Variants in WDPCP observed in about 807,000 individuals in gnomAD.
WDPCP encodes WD repeat-containing and planar cell polarity effector protein fritz homolog.
In WDPCP, 71 loss-of-function variants were observed where a neutral mutation model predicts 93.1. That is an observed-to-expected ratio of 0.76 (90% CI 0.63 to 0.93). WDPCP has a LOEUF of 0.93. Among genes scored for constraint, WDPCP ranks in the 40% least tolerant of loss-of-function variants. The pLI, the probability that WDPCP is intolerant of heterozygous loss-of-function variation, is 0.00. For synonymous variants in WDPCP, 315 were observed against 315.0 expected (o/e 1.00, Z 0.00); for missense variants, 844 against 887.4 (o/e 0.95, Z 0.62).
At chr2:63,809,866 C>T (rs1027062990) in intron 2 of WDPCP, among the ~76,000 whole-genome samples, 1 of 151,678 alleles carries the variant, frequency 6.6e-6, no homozygotes, top group Non-Finnish European at 1.5e-5. Context: ...TCGTATGACC[C>T]TGCCAAATCC....
At chr2:63,514,995 G>T (rs1267954640) in intron 1 of WDPCP, among the ~76,000 whole-genome samples, 2 of 152,106 alleles carry the variant, frequency 1.3e-5, no homozygotes, top group African/African-American at 4.8e-5. Context: ...CTGCAGCTGT[G>T]TGTCTGTAAA....
chr2:63,119,687 A>C lies in WDPCP; in HGVS notation c.*2319T>G, dbSNP rs1669451065. ...TGAAAAAGCTCATGGGTCTATTCCT[A>C]AAGGACAACCTGTGAACCTGTCAGT... On this transcript the variant is annotated 3_prime_UTR_variant, in exon 18 of 18. Transcript: ENST00000272321. The C allele has an allele frequency of 6.6e-6, 1 of 152,232 alleles. No individual in the cohort carries two copies. Among genetic ancestry groups the C allele is most frequent in the Admixed American group, 6.5e-5 (1 of 15,282 alleles). The allele number at this position is 152,232 out of a possible 1,614,324, so 9.4% of individuals were successfully genotyped here.
At chr2:63,189,364 CCT>C (rs1674872391) in intron 14 of WDPCP, among the ~76,000 whole-genome samples, 1 of 152,154 alleles carries the variant, frequency 6.6e-6, no homozygotes, top group African/African-American at 2.4e-5. Flanking sequence ...ACTCTCTTAC[CCT>C]CTCAGGCACC....
intron 13 of WDPCP, among the ~76,000 whole-genome samples, chr2:63,260,716 G>A (rs1681551815): frequency 1.3e-5 from 2 of 152,036 alleles, no homozygotes; most frequent in African/African-American, 2.4e-5. Flanking sequence ...CGCCTGGCTA[G>A]CTTTTGTATT....
chr2:63,702,683 G>A (rs976053380), intron 2 of WDPCP, among the ~76,000 whole-genome samples: 3 of 149,898 alleles, frequency 2.0e-5, no homozygotes, highest in Non-Finnish European at 4.4e-5. Context: ...GACTGCAGGC[G>A]CCCACCACCA....
chr2:63,396,610 T>C (rs941252770), intron 10 of WDPCP, among the ~76,000 whole-genome samples: 2 of 151,684 alleles, frequency 1.3e-5, no homozygotes, highest in African/African-American at 4.8e-5. Context: ...GCTGGGGAGA[T>C]AAAGACCAAG....
intron 6 of WDPCP, among the ~76,000 whole-genome samples, chr2:63,479,046 G>A (rs1700122858): frequency 1.3e-5 from 2 of 151,486 alleles, no homozygotes; most frequent in Non-Finnish European, 2.9e-5. Flanking sequence ...ATCATTCAAG[G>A]CTACTATGAA....
intron 14 of WDPCP, among the ~76,000 whole-genome samples, chr2:63,216,543 A>C (rs1454024078): frequency 6.6e-6 from 1 of 152,096 alleles, no homozygotes; most frequent in Non-Finnish European, 1.5e-5. Flanking sequence ...GGAACACCAC[A>C]CACCAGGGCC....
chr2:63,549,247 C>CAAAAAAAAAAA lies in WDPCP; in HGVS notation c.75+38939_75+38949dup. ...CCTGGGCAATAGAGTGAGACTGTCT[C>CAAAAAAAAAAA]AAAAAAAAAAAAAAAAAAAAAGAAA... On this transcript the variant is annotated intron_variant, in intron 1 of 17. Coordinates refer to ENST00000272321, the MANE Select transcript of WDPCP (RefSeq NM_015910.7). Among the ~76,000 whole-genome samples, 2 of 87,666 alleles carry CAAAAAAAAAAA rather than the reference C, an allele frequency of 2.3e-5. 1 individual carries two copies. Among genetic ancestry groups the CAAAAAAAAAAA allele is most frequent in the Non-Finnish European group, 4.3e-5 (2 of 46,468 alleles). 57.5% of individuals were successfully genotyped at this position (87,666 alleles called of 152,430 possible).
At chr2:63,524,063 T>TG (rs1400726530) in intron 1 of WDPCP, among the ~76,000 whole-genome samples, 1 of 152,012 alleles carries the variant, frequency 6.6e-6, no homozygotes, top group African/African-American at 2.4e-5. Context: ...ACCAGAGAAG[T>TG]GGAACACCTC....
At position 63,404,498 on chromosome 2, in the gene WDPCP, C is replaced by A; in HGVS notation, c.985G>T (p.Val329Leu). ...YECIRNKIQC[V>L]SVTRIPLKSK... is the part of the protein sequence containing the mutation. ...TTTAGTGGTATTCTGGTGACTGACACACACTGGATTTTATTCCGAATGCAT... is the reference window on the plus strand; with the variant it reads ...TTTAGTGGTATTCTGGTGACTGACAAACACTGGATTTTATTCCGAATGCAT... Residue 329 changes from valine to leucine, a missense_variant, in exon 10 of 18, where the codon GTG (valine) becomes TTG (leucine). Transcript: ENST00000272321. 1 of 1,613,992 alleles carries A rather than the reference C, an allele frequency of 6.2e-7. No individual in the cohort carries two copies. The highest frequency in any genetic ancestry group is 8.5e-7 in the Non-Finnish European group (1 of 1,179,932).
At chr2:63,320,209 C>CA (rs1487512445) in intron 12 of WDPCP, among the ~76,000 whole-genome samples, 1 of 151,978 alleles carries the variant, frequency 6.6e-6, no homozygotes, top group African/African-American at 2.4e-5. Flanking sequence ...AAGAAACACA[C>CA]AAAAAATTTT....
At chr2:63,588,691 C>G (rs1302085642), upstream of WDPCP, 2 of 481,970 alleles carry the variant, frequency 4.1e-6, no homozygotes, top group Non-Finnish European at 7.6e-6. Flanking sequence ...TTGCCGGGCT[C>G]CATCAGGCAG....
intron 1 of WDPCP, among the ~76,000 whole-genome samples, chr2:63,566,785 T>C (rs1404480209): frequency 6.6e-6 from 1 of 152,214 alleles, no homozygotes; most frequent in Non-Finnish European, 1.5e-5. Context: ...CAGATATTGG[T>C]TGCAAGTCCC....
chr2:63,263,487 G>T (rs538065662), intron 13 of WDPCP, among the ~76,000 whole-genome samples: 3 of 152,084 alleles, frequency 2.0e-5, no homozygotes, highest in African/African-American at 7.2e-5. Context: ...TTACTCTGCC[G>T]TCTACCCTTC....
intron 12 of WDPCP, among the ~76,000 whole-genome samples, chr2:63,351,621 A>G (rs1334647271): frequency 1.3e-5 from 2 of 152,228 alleles, no homozygotes; most frequent in African/African-American, 2.4e-5. Flanking sequence ...TTACAGATGC[A>G]TAGTATTCCA....
chr2:63,812,559 G>A (rs1171419285), intron 2 of WDPCP, among the ~76,000 whole-genome samples: 1 of 152,056 alleles, frequency 6.6e-6, no homozygotes, highest in Non-Finnish European at 1.5e-5. Context: ...TTTCTCCACA[G>A]CCTCACCAAC....
intron 14 of WDPCP, among the ~76,000 whole-genome samples, chr2:63,186,381 A>T (rs1420920993): frequency 2.0e-5 from 3 of 152,242 alleles, no homozygotes; most frequent in East Asian, 3.9e-4. Context: ...CCAGCACTCC[A>T]TTCTCCAGCC....
chr2:63,308,866 T>C (rs1161893217), intron 13 of WDPCP, among the ~76,000 whole-genome samples: 1 of 152,038 alleles, frequency 6.6e-6, no homozygotes, highest in African/African-American at 2.4e-5. Context: ...GTTCCGCACA[T>C]GTGTCCAAGA....
Sources: gnomAD v4.1 joint callset for allele counts (sites outside exome capture counted in the v4.1 genomes callset) on GRCh38, gnomAD v4.1.1 for gene constraint, MANE v1.5 for transcripts, NCBI Gene and HGNC (gene_info 2026-07-23, HGNC 2026-07-21) for gene names.